Variants in GABBR2 observed in about 807,000 individuals in gnomAD.
The protein encoded by GABBR2 is gamma-aminobutyric acid type B receptor subunit 2.
GABBR2 carries 23 observed loss-of-function variants against 105.6 expected under a neutral mutation model. The observed-to-expected ratio is 0.22, with a 90% confidence interval of 0.16 to 0.31. The LOEUF (loss-of-function observed/expected upper bound fraction) is 0.31. Ranked by LOEUF, GABBR2 falls within the 10% of genes least tolerant of loss-of-function variation. The pLI is 1.00. For missense variants in GABBR2, 734 were observed against 1,245.5 expected (o/e 0.59, Z 6.18); for synonymous variants, 478 against 499.7 (o/e 0.96, Z 0.58).
intron 8 of GABBR2, among the ~76,000 whole-genome samples, chr9:98,403,262 C>G (rs1233691670): frequency 4.2e-5 from 6 of 143,696 alleles, no homozygotes; most frequent in Non-Finnish European, 6.0e-5. Context: ...CCACTGCACT[C>G]CAGCCTGGGT....
intron 1 of GABBR2, among the ~76,000 whole-genome samples, chr9:98,645,474 T>C (rs1265394694): frequency 6.6e-6 from 1 of 152,176 alleles, no homozygotes; most frequent in Non-Finnish European, 1.5e-5. Flanking sequence ...ATCAGAGTGT[T>C]GAAGTTGGAG....
intron 13 of GABBR2, among the ~76,000 whole-genome samples, chr9:98,346,270 AC>A (rs1203472347): frequency 2.0e-5 from 3 of 152,086 alleles, no homozygotes; most frequent in Non-Finnish European, 4.4e-5. Flanking sequence ...ATCCTCTCAA[AC>A]CCTGCTGCTT....
At chr9:98,478,926 G>T (rs534673030) in intron 5 of GABBR2, among the ~76,000 whole-genome samples, 1 of 152,182 alleles carries the variant, frequency 6.6e-6, no homozygotes, top group African/African-American at 2.4e-5. Flanking sequence ...TCCTTGCAAG[G>T]CCCTGGGGAT....
intron 3 of GABBR2, among the ~76,000 whole-genome samples, chr9:98,527,079 TTAA>T (rs1421122105): frequency 6.7e-6 from 1 of 148,164 alleles, no homozygotes; most frequent in Non-Finnish European, 1.5e-5. Context: ...TATTCATATG[TTAA>T]TAATATATAA....
intron 1 of GABBR2, among the ~76,000 whole-genome samples, chr9:98,654,605 G>A (rs1830154467): frequency 6.6e-6 from 1 of 152,180 alleles, no homozygotes; most frequent in Non-Finnish European, 1.5e-5. Flanking sequence ...GATCTGAAGG[G>A]GCGAGGCAGA....
intron 1 of GABBR2, among the ~76,000 whole-genome samples, chr9:98,672,635 G>C (rs1036244233): frequency 1.3e-5 from 2 of 152,356 alleles, no homozygotes; most frequent in African/African-American, 4.8e-5. Context: ...CAAATGAACA[G>C]AACAATTCTC....
At chr9:98,349,728 C>T (rs525108) in intron 13 of GABBR2, among the ~76,000 whole-genome samples, 98,595 of 151,990 alleles carry the variant, frequency 0.65, 32,764 homozygotes, top group Admixed American at 0.74. Context: ...TTTTATTGTG[C>T]CCTTGTCTGG....
At chr9:98,408,410 C>CA (rs1333044546) in intron 7 of GABBR2, among the ~76,000 whole-genome samples, 2 of 152,178 alleles carry the variant, frequency 1.3e-5, no homozygotes, top group African/African-American at 4.8e-5. Flanking sequence ...TCAGGGTCAC[C>CA]ATGGCATCTG....
intron 2 of GABBR2, among the ~76,000 whole-genome samples, chr9:98,560,402 TACAC>T (rs1251088489): frequency 9.4e-6 from 1 of 106,650 alleles, no homozygotes; most frequent in African/African-American, 2.8e-5. Flanking sequence ...CATACACACA[TACAC>T]ACACACACAC....
At chr9:98,300,632 G>A (rs559642797) in intron 16 of GABBR2, among the ~76,000 whole-genome samples, 5 of 152,328 alleles carry the variant, frequency 3.3e-5, no homozygotes, top group Admixed American at 2.0e-4. Context: ...TATATCTCTT[G>A]TAAGAGTCTT....
At chr9:98,689,765 T>C (rs950054253) in intron 1 of GABBR2, among the ~76,000 whole-genome samples, 12 of 152,252 alleles carry the variant, frequency 7.9e-5, no homozygotes, top group Admixed American at 2.0e-4. Context: ...ACATATACCA[T>C]ACAAAGATCT....
chr9:98,319,040 T>C (rs929250471), intron 13 of GABBR2, among the ~76,000 whole-genome samples: 3 of 151,990 alleles, frequency 2.0e-5, no homozygotes, highest in Non-Finnish European at 2.9e-5. Context: ...CATGGCCTCT[T>C]TTGGGGTGCC....
chr9:98,510,841 TG>T (rs1189975438), intron 3 of GABBR2, among the ~76,000 whole-genome samples: 127 of 152,262 alleles, frequency 8.3e-4, no homozygotes, highest in East Asian at 3.9e-4. Context: ...AACACCCCAC[TG>T]TCAACATTAG....
intron 1 of GABBR2, among the ~76,000 whole-genome samples, chr9:98,588,686 T>C (rs1588241042): frequency 6.6e-6 from 1 of 152,340 alleles, no homozygotes; most frequent in East Asian, 1.9e-4. Flanking sequence ...CCATGCTCCA[T>C]CATATCCATG....
At chr9:98,327,290 C>T (rs1208640757) in intron 13 of GABBR2, among the ~76,000 whole-genome samples, 5 of 152,104 alleles carry the variant, frequency 3.3e-5, no homozygotes, top group Admixed American at 1.3e-4. Flanking sequence ...CCTCTGCCTC[C>T]AGTCTCCCTT....
intron 3 of GABBR2, among the ~76,000 whole-genome samples, chr9:98,528,553 T>C (rs1828005863): frequency 6.6e-6 from 1 of 152,000 alleles, no homozygotes; most frequent in Non-Finnish European, 1.5e-5. Context: ...AGAAATATCT[T>C]AACAAATATG....
chr9:98,524,015 G>A (rs773838653), intron 3 of GABBR2, among the ~76,000 whole-genome samples: 2 of 151,392 alleles, frequency 1.3e-5, no homozygotes, highest in African/African-American at 4.8e-5. Context: ...AAAAAACAGA[G>A]GCTTTAAAAA....
Position 98,708,773 on chromosome 9 carries a change from C to T in GABBR2, c.-36G>A. Reference sequence around the variant, plus strand: ...GGGCTGCGGGCGCCGGCTCACTCGGCCCGCATGGCCTGGCCCGGCCCGCCG... The same window carrying T: ...GGGCTGCGGGCGCCGGCTCACTCGGTCCGCATGGCCTGGCCCGGCCCGCCG... On this transcript the variant is annotated 5_prime_UTR_variant, in exon 1 of 19. Transcript: ENST00000259455. 5.1e-6 allele frequency: 5 copies of T among 977,120 alleles called. No individual in the cohort carries two copies. Among genetic ancestry groups the T allele is most frequent in the Non-Finnish European group, 6.1e-6 (5 of 824,792 alleles). The allele number at this position is 977,120 out of a possible 1,614,324, so 60.5% of individuals were successfully genotyped here.
At chr9:98,449,350 T>C (rs182185377) in intron 7 of GABBR2, among the ~76,000 whole-genome samples, 13 of 152,120 alleles carry the variant, frequency 8.5e-5, no homozygotes, top group Admixed American at 8.5e-4. Flanking sequence ...AGGGACCGTA[T>C]GTTATTCCTC....
Sources: gnomAD v4.1 joint callset for allele counts (sites outside exome capture counted in the v4.1 genomes callset) on GRCh38, gnomAD v4.1.1 for gene constraint, MANE v1.5 for transcripts, NCBI Gene and HGNC (gene_info 2026-07-23, HGNC 2026-07-21) for gene names.